Variants in UTRN observed in about 807,000 individuals in gnomAD.
The protein encoded by UTRN is utrophin.
UTRN carries 283 observed loss-of-function variants against 463.9 expected under a neutral mutation model. That is an observed-to-expected ratio of 0.61 (90% CI 0.55 to 0.67). The LOEUF (loss-of-function observed/expected upper bound fraction) is 0.67, where lower values mean the gene tolerates loss of function less well. Among genes scored for constraint, UTRN ranks in the 30% least tolerant of loss-of-function variants. The pLI, the probability that UTRN is intolerant of heterozygous loss-of-function variation, is 0.00. For missense variants in UTRN, 3,922 were observed against 4,084.3 expected (o/e 0.96, Z 1.08); for synonymous variants, 1,442 against 1,431.5 (o/e 1.01, Z -0.17).
At chr6:144,516,712 C>T (rs1306179361) in intron 38 of UTRN, 99 bp from the exon 39 acceptor site, 12 of 970,386 alleles carry the variant, frequency 1.2e-5, no homozygotes, top group Non-Finnish European at 1.7e-5. Context: ...TTGACGTATA[C>T]TATACTAAGT....
At chr6:144,337,162 C>G (rs533075115) in intron 2 of UTRN, among the ~76,000 whole-genome samples, 47 of 147,476 alleles carry the variant, frequency 3.2e-4, no homozygotes, top group Non-Finnish European at 5.8e-4. Flanking sequence ...CACACACACA[C>G]AGACACACAC....
At chr6:144,452,594 A>G (rs1788432950) in intron 18 of UTRN, among the ~76,000 whole-genome samples, 2 of 152,006 alleles carry the variant, frequency 1.3e-5, no homozygotes, top group African/African-American at 4.8e-5. Context: ...TCTTGGGAGT[A>G]TCAAACTATA....
chr6:144,545,613 T>G (rs988330119), intron 46 of UTRN, among the ~76,000 whole-genome samples: 1 of 152,248 alleles, frequency 6.6e-6, no homozygotes, highest in Non-Finnish European at 1.5e-5. Context: ...TAGTTCTCCT[T>G]CAGATATCCC....
rs749369248 is a variant in UTRN, at chr6:144,461,249, A to G, written c.2760A>G (p.Lys920=). 1 of 1,610,326 alleles carries G rather than the reference A, an allele frequency of 6.2e-7. No homozygotes were observed. Among genetic ancestry groups the G allele is most frequent in the Admixed American group, 1.7e-5 (1 of 59,880 alleles). ...ATCTGGAAACATTGAAAACACTGAA[A>G]GATGTGCTAAATGATTCAGAAAATA... ...HAYLETLKTL[K]DVLNDSENKA... is the part of the protein sequence containing the mutation. The change falls in exon 22 of 75, where the codon AAA becomes AAG. Residue 920 remains lysine, a synonymous_variant. Coordinates refer to ENST00000367545, the MANE Select transcript of UTRN (RefSeq NM_007124.3).
chr6:144,492,041 G>C (rs1793122567), intron 32 of UTRN, among the ~76,000 whole-genome samples: 1 of 151,930 alleles, frequency 6.6e-6, no homozygotes, highest in Non-Finnish European at 1.5e-5. Flanking sequence ...AAGACTTTTA[G>C]GTTCAGGAAG....
intron 53 of UTRN, among the ~76,000 whole-genome samples, chr6:144,718,953 T>G (rs1158348401): frequency 6.6e-6 from 1 of 152,202 alleles, no homozygotes; most frequent in Admixed American, 6.5e-5. Flanking sequence ...CCCTGTGGAT[T>G]TCTTTGACTT....
chr6:144,357,061 G>T (rs1778625558), intron 2 of UTRN, among the ~76,000 whole-genome samples: 1 of 152,110 alleles, frequency 6.6e-6, no homozygotes, highest in Non-Finnish European at 1.5e-5. Flanking sequence ...TTTTGAGGGA[G>T]ATTTTCAGCC....
chr6:144,386,252 C>T (rs1287421799), intron 2 of UTRN, among the ~76,000 whole-genome samples: 1 of 151,988 alleles, frequency 6.6e-6, no homozygotes, highest in Non-Finnish European at 1.5e-5. Flanking sequence ...GCTTGAGCCC[C>T]GGAGTTCGAG....
chr6:144,802,563 T>TA (rs1193082498), intron 64 of UTRN, among the ~76,000 whole-genome samples: 1 of 152,222 alleles, frequency 6.6e-6, no homozygotes, highest in African/African-American at 2.4e-5. Context: ...GTGTCATTCT[T>TA]ACGCCAGAGA....
chr6:144,698,987 A>G (rs1022866184), intron 52 of UTRN, among the ~76,000 whole-genome samples: 2 of 152,196 alleles, frequency 1.3e-5, no homozygotes, highest in African/African-American at 4.8e-5. Flanking sequence ...GTCACTAGAC[A>G]TTGGTCAACC....
At chr6:144,511,199 T>C (rs1015064594) in intron 35 of UTRN, 76 bp downstream of exon 35, 1 of 1,334,970 alleles carries the variant, frequency 7.5e-7, no homozygotes, top group Non-Finnish European at 9.8e-7. Context: ...ACAACTTTGA[T>C]TAAATTTCAA....
chr6:144,358,766 G>C (rs978562794), intron 2 of UTRN, among the ~76,000 whole-genome samples: 9 of 152,134 alleles, frequency 5.9e-5, no homozygotes, highest in Admixed American at 5.9e-4. Flanking sequence ...CTTCATTGTT[G>C]AGTGCTTTTT....
At chr6:144,496,504 T>A (rs933127451) in intron 33 of UTRN, among the ~76,000 whole-genome samples, 3 of 152,210 alleles carry the variant, frequency 2.0e-5, no homozygotes, top group Non-Finnish European at 4.4e-5. Context: ...ATGAATGGAA[T>A]GGTATTGCTG....
At chr6:144,560,360 C>T (rs996106162) in intron 50 of UTRN, among the ~76,000 whole-genome samples, 4 of 152,104 alleles carry the variant, frequency 2.6e-5, no homozygotes, top group Admixed American at 6.6e-5. Context: ...TGTAATTCCG[C>T]TTACTGATTC....
chr6:144,539,850 C>T (rs1276511032), intron 45 of UTRN, among the ~76,000 whole-genome samples: 1 of 152,004 alleles, frequency 6.6e-6, no homozygotes, highest in Non-Finnish European at 1.5e-5. Context: ...TGAGACCAGC[C>T]TGGCCAACAC....
Position 144,700,296 on chromosome 6 carries a change from T to C in UTRN, c.7809+53T>C, listed in dbSNP as rs1179175397. On this transcript the variant is annotated intron_variant, in intron 53 of 74. Coordinates refer to ENST00000367545, the MANE Select transcript of UTRN (RefSeq NM_007124.3). The stretch of plus-strand genomic sequence containing the variant: ...TTAATTCAAATTCTAGTGAGGTAGA[T>C]ATTTGAAATACAATTATAGATAAGT... 3 of 1,512,690 alleles carry C rather than the reference T, an allele frequency of 2.0e-6. No homozygotes were observed. The African/African-American group carries it at 4.1e-5, about 21-fold the overall frequency. The allele number at this position is 1,512,690 out of a possible 1,614,324, so 93.7% of individuals were successfully genotyped here. A position where few individuals can be genotyped will look rare whatever the true frequency, so the allele number is the denominator to read the frequency against.
chr6:144,494,481 T>C (rs1793391611), intron 33 of UTRN, among the ~76,000 whole-genome samples: 1 of 152,192 alleles, frequency 6.6e-6, no homozygotes, highest in Admixed American at 6.5e-5. Flanking sequence ...GCAAGATTTA[T>C]TGCAAAGAGC....
chr6:144,545,967 C>T (rs1798366053), intron 46 of UTRN, among the ~76,000 whole-genome samples: 1 of 152,248 alleles, frequency 6.6e-6, no homozygotes, highest in South Asian at 2.1e-4. Context: ...TTGCAGTGAC[C>T]CAAGACCGTA....
intron 61 of UTRN, among the ~76,000 whole-genome samples, chr6:144,782,734 C>G (rs138508778): frequency 5.1e-4 from 78 of 152,170 alleles, no homozygotes; most frequent in Non-Finnish European, 8.7e-4. Context: ...AGCACACTCT[C>G]AACTCCCAGC....
Sources: gnomAD v4.1 joint callset for allele counts (sites outside exome capture counted in the v4.1 genomes callset) on GRCh38, gnomAD v4.1.1 for gene constraint, MANE v1.5 for transcripts, NCBI Gene and HGNC (gene_info 2026-07-23, HGNC 2026-07-21) for gene names.